CIROZ: variants seen among roughly 807,000 people sequenced by gnomAD.
The protein encoded by CIROZ is ciliated left-right organizer protein containing ZP-N domains.
At chr1:10,970,528 C>T in the CIROZ span, among the ~76,000 whole-genome samples, 12 of 152,160 alleles carry the variant, frequency 7.9e-5, no homozygotes, top group Admixed American at 5.9e-4. Context: ...ACTCAGGAGG[C>T]TGAGGCAGGA....
chr1:10,959,455 G>T, the CIROZ span, among the ~76,000 whole-genome samples: 2 of 152,280 alleles, frequency 1.3e-5, no homozygotes, highest in African/African-American at 4.8e-5. This position sits in a 1 kb window ranked among gnomAD's most constrained non-coding sequence, Gnocchi z 4.3. Flanking sequence ...TCTGCAGCCA[G>T]TGCCACCCCA....
At chr1:10,979,656 T>G in the CIROZ span, among the ~76,000 whole-genome samples, 92 of 152,254 alleles carry the variant, frequency 6.0e-4, no homozygotes, top group East Asian at 0.013. Context: ...TGCTATTATT[T>G]CCTGTAACCT....
At chr1:10,980,836 C>T in the CIROZ span, among the ~76,000 whole-genome samples, 1 of 152,234 alleles carries the variant, frequency 6.6e-6, no homozygotes, top group South Asian at 2.1e-4. Context: ...GATGCTCCAT[C>T]CCCCAAAGCT....
chr1:10,969,946 G>A, the CIROZ span: 36 of 1,516,554 alleles, frequency 2.4e-5, no homozygotes, highest in South Asian at 7.4e-5. Context: ...CAAAGACCCC[G>A]CCCAGCCACC....
At chr1:10,948,620 C>T in the CIROZ span, 17 of 1,614,034 alleles carry the variant, frequency 1.1e-5, no homozygotes, top group Middle Eastern at 3.3e-4. Context: ...GGGTCAGAGC[C>T]GGGTGCGTTG....
At chr1:10,960,722 G>A in the CIROZ span, among the ~76,000 whole-genome samples, 11 of 152,270 alleles carry the variant, frequency 7.2e-5, no homozygotes, top group African/African-American at 2.7e-4. The surrounding 1 kb of genome is among the most constrained non-coding windows in gnomAD (Gnocchi z 4.6). Flanking sequence ...TGCGCCATCA[G>A]CGGGGAGAGG....
the CIROZ span, among the ~76,000 whole-genome samples, chr1:10,954,317 G>T: frequency 6.6e-6 from 1 of 151,988 alleles, no homozygotes; most frequent in Admixed American, 6.6e-5. Flanking sequence ...AGCTGGGCGT[G>T]GTGGTGGGCA....
the CIROZ span, chr1:10,958,790 G>A: frequency 8.1e-6 from 13 of 1,602,942 alleles, no homozygotes; most frequent in South Asian, 1.1e-5. Context: ...TCCTGCAAGC[G>A]GTGAGCAAAG....
At chr1:10,974,834 C>G in the CIROZ span, among the ~76,000 whole-genome samples, 3 of 152,178 alleles carry the variant, frequency 2.0e-5, no homozygotes, top group Non-Finnish European at 4.4e-5. The surrounding 1 kb of genome is among the most constrained non-coding windows in gnomAD (Gnocchi z 4.4). Context: ...TTTCTGAGCT[C>G]TATGGGTCCT....
chr1:10,979,732 AC>A, the CIROZ span, among the ~76,000 whole-genome samples: 1 of 152,178 alleles, frequency 6.6e-6, no homozygotes, highest in Non-Finnish European at 1.5e-5. Context: ...ACAATGGAAT[AC>A]TGAACTGCAA....
chr1:10,948,652 AG>A, the CIROZ span: 1 of 1,613,570 alleles, frequency 6.2e-7, no homozygotes, highest in Non-Finnish European at 8.5e-7. Flanking sequence ...CGTGGCCGCC[AG>A]GGACTAGCCT....
the CIROZ span, chr1:10,958,705 C>G: frequency 3.1e-6 from 5 of 1,614,102 alleles, no homozygotes; most frequent in Admixed American, 5.0e-5. Context: ...TTCAATGGGG[C>G]CCGCTTACCT....
At chr1:10,966,983 T>C in the CIROZ span, among the ~76,000 whole-genome samples, 1 of 151,704 alleles carries the variant, frequency 6.6e-6, no homozygotes, top group East Asian at 1.9e-4. Flanking sequence ...ACCCCATCTC[T>C]ACTAAAAATA....
chr1:10,954,150 G>A, the CIROZ span: 2 of 1,609,856 alleles, frequency 1.2e-6, no homozygotes, highest in Non-Finnish European at 1.7e-6. Context: ...TCGCTGTGGG[G>A]CCACAAGAAA....
chr1:10,947,623 A>T, the CIROZ span: 13 of 1,397,330 alleles, frequency 9.3e-6, no homozygotes, highest in South Asian at 3.4e-5. Flanking sequence ...CTACCTCCCC[A>T]GGGTGCACCC....
the CIROZ span, chr1:10,949,237 A>AAG: frequency 4.1e-6 from 1 of 242,036 alleles, no homozygotes; most frequent in Non-Finnish European, 8.0e-6. Flanking sequence ...AAAAAAAAAA[A>AAG]AAGAAGAGCT....
chr1:10,976,151 T>A, the CIROZ span: 5 of 1,535,634 alleles, frequency 3.3e-6, no homozygotes, highest in Non-Finnish European at 4.4e-6. Flanking sequence ...GTGTGATTGA[T>A]TCACCTGTTA....
the CIROZ span, chr1:10,956,992 G>A: frequency 2.0e-6 from 3 of 1,527,056 alleles, no homozygotes; most frequent in Non-Finnish European, 2.7e-6. Context: ...AAGTTGGAAA[G>A]GTGGACATTA....
At chr1:10,976,424 C>T in the CIROZ span, among the ~76,000 whole-genome samples, 4 of 151,874 alleles carry the variant, frequency 2.6e-5, no homozygotes, top group East Asian at 7.8e-4. Context: ...CAACCTCCGC[C>T]CACTGCAACC....
Sources: gnomAD v4.1 joint callset for allele counts (sites outside exome capture counted in the v4.1 genomes callset) on GRCh38, gnomAD v4.1.1 for gene constraint, Gnocchi (gnomAD v3.1) non-coding constraint, MANE v1.5 for transcripts, NCBI Gene and HGNC (gene_info 2026-07-23, HGNC 2026-07-21) for gene names.